Variants in COLGALT2 observed in about 807,000 individuals in gnomAD.
The protein encoded by COLGALT2 is collagen beta(1-O)galactosyltransferase 2.
In COLGALT2, 49 loss-of-function variants were observed where a neutral mutation model predicts 73.4. The ratio of observed to expected loss-of-function variants is 0.67; its 90% CI spans 0.53 to 0.85. The LOEUF (loss-of-function observed/expected upper bound fraction) is 0.85. Among genes scored for constraint, COLGALT2 ranks in the 40% least tolerant of loss-of-function variants. The pLI, the probability that COLGALT2 is intolerant of heterozygous loss-of-function variation, is 0.00. For missense variants in COLGALT2, 722 were observed against 790.2 expected (o/e 0.91, Z 1.03); for synonymous variants, 295 against 307.6 (o/e 0.96, Z 0.43).
intron 1 of COLGALT2, among the ~76,000 whole-genome samples, chr1:184,023,236 A>G (rs924112772): frequency 6.6e-6 from 1 of 152,202 alleles, no homozygotes; most frequent in Non-Finnish European, 1.5e-5. Flanking sequence ...TCAGTCTCCC[A>G]TATCTCTACT....
chr1:184,036,292 G>A (rs1284816035), intron 1 of COLGALT2, among the ~76,000 whole-genome samples: 3 of 152,242 alleles, frequency 2.0e-5, no homozygotes, highest in Non-Finnish European at 2.9e-5. Flanking sequence ...GGGCGGGCAG[G>A]CACCCGCACT....
Position 183,940,753 on chromosome 1 carries a change from G to C in COLGALT2, c.1432C>G (p.Pro478Ala), listed in dbSNP as rs751313326. The change falls in exon 11 of 12, where the codon CCA becomes GCA. Residue 478 changes from proline to alanine, a missense_variant. Transcript: ENST00000361927. ...GCCACATTGGGCACTGCTTTCTCTG[G>C]CTCCTTTACTTGCATCCTCTTCCTA... ...IGRKRMQVKE[P>A]EKAVPNVANL... 3.7e-6 allele frequency: 6 copies of C among 1,614,082 alleles called. No homozygotes were observed. Among genetic ancestry groups the C allele is most frequent in the Non-Finnish European group, 5.1e-6 (6 of 1,180,030 alleles).
chr1:183,986,359 T>C (rs1424629052), intron 1 of COLGALT2, among the ~76,000 whole-genome samples: 1 of 152,226 alleles, frequency 6.6e-6, no homozygotes, highest in Non-Finnish European at 1.5e-5. Flanking sequence ...GAAAAATTCC[T>C]CACCAACAAA....
intron 8 of COLGALT2, among the ~76,000 whole-genome samples, chr1:183,947,849 A>G (rs1201952828): frequency 2.0e-5 from 3 of 152,176 alleles, no homozygotes; most frequent in Non-Finnish European, 4.4e-5. Context: ...TTATTTGCCT[A>G]AACTGATGAA....
chr1:183,991,522 C>T (rs1671628108), intron 1 of COLGALT2, among the ~76,000 whole-genome samples: 1 of 152,176 alleles, frequency 6.6e-6, no homozygotes, highest in African/African-American at 2.4e-5. Flanking sequence ...AAAAAAATGT[C>T]AGCCCAGTCA....
In COLGALT2 at chr1:183,938,942, C is replaced by G. The variant is rs767094273; in HGVS notation, c.1700G>C (p.Gly567Ala). 6.2e-7 allele frequency: 1 copy of G among 1,614,064 alleles called. No homozygotes were observed. The highest frequency in any genetic ancestry group is 8.5e-7 in the Non-Finnish European group (1 of 1,180,026). Residue 567 changes from glycine (G) to alanine (A), a missense_variant, in exon 12 of 12, where the codon GGG (glycine) becomes GCG (alanine). Transcript: ENST00000361927. ...IYPTHYTGQP[G>A]YLSDTETSTI... ...GGAGGTCTCCGTGTCACTCAGGTAC[C>G]CCGGCTGGCCTGTGTAGTGCGTAGG... is the stretch of plus-strand genomic sequence containing the variant.
intron 8 of COLGALT2, among the ~76,000 whole-genome samples, chr1:183,949,047 C>T (rs1431312061): frequency 6.6e-6 from 1 of 152,220 alleles, no homozygotes; most frequent in East Asian, 1.9e-4. Flanking sequence ...GACTTGTATA[C>T]TGAAAATGAC....
At chr1:183,950,895 T>C (rs1670377560) in intron 8 of COLGALT2, 112 bp downstream of exon 8, 1 of 737,596 alleles carries the variant, frequency 1.4e-6, no homozygotes, top group Admixed American at 2.2e-5. Flanking sequence ...AAAATAAGAC[T>C]ATCCTCTAAT....
intron 1 of COLGALT2, among the ~76,000 whole-genome samples, chr1:184,013,234 G>T (rs1648869886): frequency 6.6e-6 from 1 of 152,214 alleles, no homozygotes; most frequent in African/African-American, 2.4e-5. Flanking sequence ...AGAATTACTT[G>T]AACCTGGTAG....
chr1:183,971,731 T>C (rs889101598), intron 4 of COLGALT2, among the ~76,000 whole-genome samples: 5 of 152,210 alleles, frequency 3.3e-5, no homozygotes, highest in Admixed American at 3.3e-4. Flanking sequence ...GACCACACAT[T>C]GTTAAATTTT....
At chr1:183,999,016 CCTTT>C (rs1429690708) in intron 1 of COLGALT2, among the ~76,000 whole-genome samples, 2 of 151,896 alleles carry the variant, frequency 1.3e-5, no homozygotes, top group Non-Finnish European at 2.9e-5. Flanking sequence ...TTTACTTCTT[CCTTT>C]CTAATTTTTA....
At position 183,963,811 on chromosome 1, in the gene COLGALT2, G is replaced by C. The variant is rs541801372; in HGVS notation, c.952+90C>G. 1.2e-5 allele frequency: 16 copies of C among 1,332,056 alleles called. No homozygotes were observed. In the South Asian group the frequency reaches 2.9e-4, roughly 24 times the overall value. The allele number at this position is 1,332,056 out of a possible 1,614,324, so 82.5% of individuals were successfully genotyped here. On this transcript the variant is annotated intron_variant, in intron 6 of 11. Transcript: ENST00000361927. ...AGCCAGGGGAGACTGATGGCTGTGA[G>C]ATTCCAATCCTGGAAGAGGAGGGAA... is the stretch of plus-strand genomic sequence containing the variant.
chr1:183,950,262 G>A (rs944649371), intron 8 of COLGALT2, among the ~76,000 whole-genome samples: 21 of 152,062 alleles, frequency 1.4e-4, no homozygotes, highest in African/African-American at 4.8e-4. Flanking sequence ...TGAGTGTCCA[G>A]GTCACACTTT....
chr1:183,973,768 T>C lies in COLGALT2; in HGVS notation c.493-18A>G. The C allele has an allele frequency of 6.2e-7, 1 of 1,610,782 alleles. No individual in the cohort carries two copies. The highest frequency in any genetic ancestry group is 8.5e-7 in the Non-Finnish European group (1 of 1,177,978). On this transcript the variant is annotated intron_variant, in intron 3 of 11. Coordinates refer to ENST00000361927, the MANE Select transcript of COLGALT2 (RefSeq NM_015101.4). ...TCTATGAACTAGGAAAAGAAAAGGA[T>C]AATGTTAGGTGAAAAGGTACTTTTC...
chr1:184,024,016 C>T (rs1031337329), intron 1 of COLGALT2, among the ~76,000 whole-genome samples: 1 of 152,026 alleles, frequency 6.6e-6, no homozygotes. Context: ...GTCAAAACTA[C>T]AGAAGAAGTC....
chr1:183,977,812 A>AAGAGAGAGAGAGAGAGAG (rs59481089), intron 2 of COLGALT2, among the ~76,000 whole-genome samples: 2,219 of 52,316 alleles, frequency 0.042, 71 homozygotes, highest in East Asian at 0.17. Flanking sequence ...GAAAGAGAGA[A>AAGAGAGAGAGAGAGAGAG]AGAGAGAGAG....
intron 1 of COLGALT2, among the ~76,000 whole-genome samples, chr1:183,981,219 T>C (rs1229025948): frequency 2.0e-5 from 3 of 152,046 alleles, no homozygotes; most frequent in African/African-American, 7.2e-5. Flanking sequence ...AATTTAAAAA[T>C]AAATAAAGTT....
At chr1:184,024,984 C>T (rs1649290010) in intron 1 of COLGALT2, among the ~76,000 whole-genome samples, 1 of 152,224 alleles carries the variant, frequency 6.6e-6, no homozygotes, top group Non-Finnish European at 1.5e-5. Flanking sequence ...TAATCTGCCT[C>T]TCATAGGGCA....
chr1:184,016,063 G>A (rs1363796847), intron 1 of COLGALT2, among the ~76,000 whole-genome samples: 1 of 152,108 alleles, frequency 6.6e-6, no homozygotes, highest in Non-Finnish European at 1.5e-5. Context: ...GGTTTCTGAG[G>A]CCATACACAG....
Sources: allele counts gnomAD v4.1 joint callset (sites outside exome capture counted in the v4.1 genomes callset), GRCh38; gene constraint gnomAD v4.1.1; transcripts MANE v1.5; gene names NCBI Gene and HGNC (gene_info 2026-07-23, HGNC 2026-07-21).